HSPA12A: variants seen among roughly 807,000 people sequenced by gnomAD.
The protein encoded by HSPA12A is heat shock 70 kDa protein 12A.
A neutral mutation model predicts 69.2 loss-of-function variants in HSPA12A; 28 were observed. The observed-to-expected ratio is 0.40, with a 90% CI of 0.30 to 0.55. HSPA12A has a LOEUF of 0.55. Ranked by LOEUF, HSPA12A falls within the 20% of genes least tolerant of loss-of-function variation. The pLI is 0.38. For synonymous variants in HSPA12A, 345 were observed against 370.5 expected (o/e 0.93, Z 0.79); for missense variants, 686 against 900.7 (o/e 0.76, Z 3.05).
At chr10:116,786,346 G>A (rs1186226632) in intron 2 of HSPA12A, among the ~76,000 whole-genome samples, 1 of 152,054 alleles carries the variant, frequency 6.6e-6, no homozygotes, top group Non-Finnish European at 1.5e-5. Context: ...CCCTAGCCTG[G>A]GCTCAGGACT....
At chr10:116,849,463 C>T in intron 1 of HSPA12A, 1 of 1,413,046 alleles carries the variant, frequency 7.1e-7, no homozygotes, top group Non-Finnish European at 9.3e-7. Context: ...GGCCTGGAAG[C>T]CACGCGAGAT....
At chr10:116,684,046 T>A in intron 6 of HSPA12A, 84 bp from the exon 7 acceptor site, 2 of 1,202,628 alleles carry the variant, frequency 1.7e-6, no homozygotes, top group Non-Finnish European at 2.3e-6. Context: ...CTGACATCCC[T>A]AAGGAGGGCG....
chr10:116,758,923 G>T (rs1445091004), intron 2 of HSPA12A, among the ~76,000 whole-genome samples: 3 of 152,152 alleles, frequency 2.0e-5, no homozygotes, highest in African/African-American at 7.2e-5. Flanking sequence ...CCTGACAACA[G>T]AATCCTGGAA....
intron 6 of HSPA12A, among the ~76,000 whole-genome samples, chr10:116,685,464 G>A (rs1395638376): frequency 2.0e-5 from 3 of 150,976 alleles, no homozygotes; most frequent in South Asian, 2.1e-4. Flanking sequence ...GTGAAACCCC[G>A]TCTCTACTAA....
chr10:116,690,084 G>A (rs1554879984), intron 6 of HSPA12A, among the ~76,000 whole-genome samples: 1 of 152,196 alleles, frequency 6.6e-6, no homozygotes, highest in African/African-American at 2.4e-5. Context: ...TTCTTATTCT[G>A]TATAATAATG....
chr10:116,740,814 T>C (rs1353860400), intron 1 of HSPA12A, among the ~76,000 whole-genome samples: 1 of 151,878 alleles, frequency 6.6e-6, no homozygotes, highest in African/African-American at 2.4e-5. Flanking sequence ...ACAAATCCTA[T>C]GCCCAACCTT....
At chr10:116,795,823 AAAT>A (rs1844809237) in intron 2 of HSPA12A, among the ~76,000 whole-genome samples, 1 of 151,038 alleles carries the variant, frequency 6.6e-6, no homozygotes, top group African/African-American at 2.4e-5. Flanking sequence ...TCCAAAATGG[AAAT>A]AATATTTCCT....
At chr10:116,751,009 TGAAGAAGAAGAA>T (rs367768494) in intron 2 of HSPA12A, among the ~76,000 whole-genome samples, 1 of 129,154 alleles carries the variant, frequency 7.7e-6, no homozygotes, top group Admixed American at 8.4e-5. Context: ...AGGAAGAACA[TGAAGAAGAAGAA>T]GAAGAAGAAG....
At chr10:116,734,225 C>T (rs150219288) in intron 1 of HSPA12A, among the ~76,000 whole-genome samples, 155 of 149,336 alleles carry the variant, frequency 1.0e-3, no homozygotes, top group Non-Finnish European at 2.0e-3. Context: ...CCAAGACAGG[C>T]AGATCACCAA....
chr10:116,715,442 C>T (rs1850575965), intron 1 of HSPA12A, among the ~76,000 whole-genome samples: 1 of 152,140 alleles, frequency 6.6e-6, no homozygotes, highest in East Asian at 1.9e-4. Context: ...ATTAATAGTA[C>T]AGTTACATAA....
chr10:116,817,402 G>C (rs530153101), intron 2 of HSPA12A, among the ~76,000 whole-genome samples: 2 of 152,002 alleles, frequency 1.3e-5, no homozygotes, highest in Non-Finnish European at 2.9e-5. Flanking sequence ...GCTAACCCTC[G>C]GCACAGCCTT....
chr10:116,695,549 G>A (rs1326379386), intron 5 of HSPA12A, among the ~76,000 whole-genome samples: 6 of 152,120 alleles, frequency 3.9e-5, no homozygotes, highest in Non-Finnish European at 7.4e-5. Context: ...GGGCGCGGTG[G>A]CTCACACCTG....
chr10:116,707,153 GCACACACACACACACACACA>G, intron 2 of HSPA12A, 27 bp downstream of exon 2: 1 of 583,074 alleles, frequency 1.7e-6, no homozygotes. Flanking sequence ...ACCCATGCGC[GCACACACACACACACACACA>G]CACACACACA....
intron 2 of HSPA12A, among the ~76,000 whole-genome samples, chr10:116,751,705 T>G (rs1377488235): frequency 3.2e-4 from 49 of 152,224 alleles, no homozygotes; most frequent in Admixed American, 3.2e-3. Flanking sequence ...CCAAATCTCA[T>G]GTTGAAATGT....
At chr10:116,788,854 T>A (rs985385940) in intron 2 of HSPA12A, among the ~76,000 whole-genome samples, 7 of 150,000 alleles carry the variant, frequency 4.7e-5, no homozygotes, top group African/African-American at 1.7e-4. Flanking sequence ...TCTGGTAGAA[T>A]TCTACGCAGC....
At chr10:116,769,378 C>T (rs894454181) in intron 2 of HSPA12A, among the ~76,000 whole-genome samples, 1 of 152,204 alleles carries the variant, frequency 6.6e-6, no homozygotes, top group African/African-American at 2.4e-5. Flanking sequence ...GTCAAGCACC[C>T]AGCTGCCAAG....
At chr10:116,767,375 G>A (rs1339848479) in intron 2 of HSPA12A, among the ~76,000 whole-genome samples, 1 of 152,110 alleles carries the variant, frequency 6.6e-6, no homozygotes, top group Non-Finnish European at 1.5e-5. Flanking sequence ...ACCAGTGACG[G>A]TGCAGACAAG....
upstream of HSPA12A, among the ~76,000 whole-genome samples, chr10:116,745,170 G>A (rs1851620802): frequency 6.6e-6 from 1 of 152,224 alleles, no homozygotes; most frequent in Non-Finnish European, 1.5e-5. Flanking sequence ...GCAAGATCGT[G>A]GACTGTGTTG....
chr10:116,694,636 G>GC (rs1243352166), intron 5 of HSPA12A, among the ~76,000 whole-genome samples: 92 of 152,096 alleles, frequency 6.0e-4, no homozygotes, highest in African/African-American at 2.1e-3. Context: ...CCTAAATTTT[G>GC]CCCCCGAGCC....
Sources: gnomAD v4.1 joint callset for allele counts (sites outside exome capture counted in the v4.1 genomes callset) on GRCh38, gnomAD v4.1.1 for gene constraint, MANE v1.5 for transcripts, NCBI Gene and HGNC (gene_info 2026-07-23, HGNC 2026-07-21) for gene names.